MCF2L: variants seen among roughly 807,000 people sequenced by gnomAD.
MCF2L encodes guanine nucleotide exchange factor DBS.
MCF2L carries 97 observed loss-of-function variants against 153.4 expected under a neutral mutation model. The ratio of observed to expected loss-of-function variants is 0.63; its 90% CI spans 0.54 to 0.75. MCF2L has a LOEUF of 0.75. Among genes scored for constraint, MCF2L ranks in the 30% least tolerant of loss-of-function variants. MCF2L has a pLI of 0.00. For synonymous variants in MCF2L, 659 were observed against 632.2 expected, an observed-to-expected ratio of 1.04 and a Z score of -0.64; for missense variants, 1,347 against 1,495.2, an observed-to-expected ratio of 0.90 and a Z score of 1.64.
At chr13:112,895,737 G>C (rs764795591) in intron 1 of MCF2L, among the ~76,000 whole-genome samples, 4 of 152,100 alleles carry the variant, frequency 2.6e-5, no homozygotes, top group Non-Finnish European at 4.4e-5. Flanking sequence ...GGGTTTTAAG[G>C]CTCCCTCAGG....
intron 1 of MCF2L, among the ~76,000 whole-genome samples, chr13:112,976,479 C>T (rs2082218082): frequency 6.6e-6 from 1 of 152,214 alleles, no homozygotes; most frequent in South Asian, 2.1e-4. Flanking sequence ...CCAGCTGGAG[C>T]ACCTGTTAAA....
intron 1 of MCF2L, among the ~76,000 whole-genome samples, chr13:112,984,780 C>T (rs2082568767): frequency 6.6e-6 from 1 of 152,288 alleles, no homozygotes; most frequent in East Asian, 1.9e-4. Context: ...ACTTGACTCC[C>T]TCGAAGGAAA....
intron 2 of MCF2L, among the ~76,000 whole-genome samples, chr13:112,918,541 T>C (rs1437271003): frequency 6.6e-6 from 1 of 152,068 alleles, no homozygotes; most frequent in Non-Finnish European, 1.5e-5. Flanking sequence ...GAAAGGCCAG[T>C]TTGAAAAACC....
chr13:112,915,103 C>A (rs2081276961), intron 2 of MCF2L, among the ~76,000 whole-genome samples: 1 of 151,992 alleles, frequency 6.6e-6, no homozygotes, highest in South Asian at 2.1e-4. Flanking sequence ...GGGATCCTAA[C>A]ATCGTTCATC....
intron 2 of MCF2L, among the ~76,000 whole-genome samples, chr13:112,914,044 C>T (rs2081264455): frequency 6.6e-6 from 1 of 152,334 alleles, no homozygotes; most frequent in South Asian, 2.1e-4. Flanking sequence ...CCCCTGTGAG[C>T]CAGCCTGGGT....
chr13:112,937,315 A>G (rs540628754), intron 2 of MCF2L, among the ~76,000 whole-genome samples: 2 of 152,334 alleles, frequency 1.3e-5, no homozygotes, highest in East Asian at 1.9e-4. Flanking sequence ...TCAGCCTCCC[A>G]AAGTGCTGGG....
chr13:113,065,391 G>A (rs1374117501), intron 7 of MCF2L: 1 of 405,494 alleles, frequency 2.5e-6, no homozygotes, highest in Non-Finnish European at 4.5e-6. Flanking sequence ...TGGGACCAGG[G>A]GTGGCTCCTC....
At chr13:112,926,257 CTAT>C (rs2081401639) in intron 2 of MCF2L, among the ~76,000 whole-genome samples, 1 of 144,166 alleles carries the variant, frequency 6.9e-6, no homozygotes, top group Non-Finnish European at 1.5e-5. Context: ...GCGGAGTGCA[CTAT>C]GGCCTGGTCT....
At chr13:112,896,276 C>T (rs376094474) in intron 1 of MCF2L, among the ~76,000 whole-genome samples, 5 of 152,218 alleles carry the variant, frequency 3.3e-5, no homozygotes, top group Non-Finnish European at 2.9e-5. Context: ...TCACCGCCCC[C>T]CCGAGGCCTC....
chr13:113,013,142 C>T (rs139914330), intron 1 of MCF2L, among the ~76,000 whole-genome samples: 1 of 152,314 alleles, frequency 6.6e-6, no homozygotes, highest in African/African-American at 2.4e-5. Flanking sequence ...GTCTAGGCTG[C>T]CGTCGGCTGC....
At position 113,035,901 on chromosome 13, in the gene MCF2L, C is replaced by T. The variant is rs939145429; in HGVS notation, c.279-9370C>T. The stretch of plus-strand genomic sequence containing the variant: ...TTTGGTAGTGAGTCTGTGTGACAGG[C>T]GATGGGGCCTTCCTCTCTGGTACAG... On this transcript the variant is annotated intron_variant, in intron 3 of 29. Transcript: ENST00000535094. The surrounding 1 kb of genome is among the most constrained non-coding windows in gnomAD (Gnocchi z 4.4). Among the ~76,000 whole-genome samples, 17 of 152,220 alleles carry T rather than the reference C, an allele frequency of 1.1e-4. No individual in the cohort carries two copies. The highest frequency in any genetic ancestry group is 2.4e-4 in the Non-Finnish European group (16 of 68,016).
intron 2 of MCF2L, among the ~76,000 whole-genome samples, chr13:112,944,107 G>T (rs977030390): frequency 4.6e-5 from 7 of 150,812 alleles, no homozygotes; most frequent in Non-Finnish European, 7.4e-5. Context: ...CATGAGGGAA[G>T]GGTCCCGGGC....
chr13:113,089,169 G>GCCCCC lies in MCF2L; in HGVS notation c.2835-434_2835-430dup, dbSNP rs59023747. On this transcript the variant is annotated intron_variant, in intron 25 of 29. Transcript: ENST00000535094. Reference sequence around the variant, plus strand: ...AGTTTTAAAAAAGAAACACTCCCCCGCCCCCCCCCCCGCCCCCCGAAAAAA... The same window carrying GCCCCC: ...AGTTTTAAAAAAGAAACACTCCCCCGCCCCCCCCCCCCCCCCGCCCCCCGAAAAAA... Among the ~76,000 whole-genome samples the GCCCCC allele has an allele frequency of 4.4e-4, 29 of 65,944 alleles. 1 individual carries two copies. Among genetic ancestry groups the GCCCCC allele is most frequent in the Admixed American group, 9.8e-4 (5 of 5,082 alleles). 43.3% of individuals were successfully genotyped at this position (65,944 alleles called of 152,430 possible). A position where few individuals can be genotyped will look rare whatever the true frequency, so the allele number is the denominator to read the frequency against.
chr13:112,991,384 C>A (rs1165777941), intron 1 of MCF2L, among the ~76,000 whole-genome samples: 3 of 151,622 alleles, frequency 2.0e-5, no homozygotes, highest in Non-Finnish European at 4.4e-5. Context: ...CTCCCAGGAC[C>A]TGATTCGCTG....
chr13:112,898,744 CA>C (rs2081092121), intron 1 of MCF2L, among the ~76,000 whole-genome samples: 1 of 152,192 alleles, frequency 6.6e-6, no homozygotes, highest in Non-Finnish European at 1.5e-5. Flanking sequence ...CCCCAGCTGC[CA>C]TCATCTCCAG....
chr13:112,950,897 T>C (rs1008239496), intron 2 of MCF2L, among the ~76,000 whole-genome samples: 6 of 152,298 alleles, frequency 3.9e-5, no homozygotes, highest in Admixed American at 6.5e-5. Context: ...CTTACCAGCA[T>C]TGAAAACTTA....
At chr13:112,955,677 C>G (rs1377839292) in intron 2 of MCF2L, among the ~76,000 whole-genome samples, 1 of 152,162 alleles carries the variant, frequency 6.6e-6, no homozygotes, top group African/African-American at 2.4e-5. Flanking sequence ...TGCCATAAGG[C>G]AGACTGCGCT....
intron 2 of MCF2L, among the ~76,000 whole-genome samples, chr13:112,911,281 G>T (rs765503749): frequency 6.6e-6 from 1 of 152,214 alleles, no homozygotes; most frequent in Non-Finnish European, 1.5e-5. Flanking sequence ...AATGTCCCAC[G>T]GCCAGGATGG....
At chr13:112,994,556 G>T (rs1305576331) in intron 1 of MCF2L, among the ~76,000 whole-genome samples, 1 of 152,246 alleles carries the variant, frequency 6.6e-6, no homozygotes, top group African/African-American at 2.4e-5. Context: ...ATTCCCCTTT[G>T]GTGAGCTGTC....
Sources: gnomAD v4.1 joint callset for allele counts (sites outside exome capture counted in the v4.1 genomes callset) on GRCh38, gnomAD v4.1.1 for gene constraint, Gnocchi (gnomAD v3.1) non-coding constraint, MANE v1.5 for transcripts, NCBI Gene and HGNC (gene_info 2026-07-23, HGNC 2026-07-21) for gene names.